The following SMIM14 variants were observed in gnomAD, a reference collection of about 807,000 sequenced individuals.
The protein encoded by SMIM14 is chromosome 4 open reading frame 34.
A neutral mutation model predicts 12.6 loss-of-function variants in SMIM14; 5 were observed. The ratio of observed to expected loss-of-function variants is 0.40; its 90% CI spans 0.21 to 0.83. The LOEUF (loss-of-function observed/expected upper bound fraction) is 0.83. Among genes scored for constraint, SMIM14 ranks in the 40% least tolerant of loss-of-function variants. SMIM14 has a pLI of 0.37. For missense variants in SMIM14, 86 were observed against 119.1 expected, an observed-to-expected ratio of 0.72 and a Z score of 1.29; for synonymous variants, 30 against 40.1, an observed-to-expected ratio of 0.75 and a Z score of 0.95.
Position 39,547,740 on chromosome 4 carries a change from C to A in SMIM14, c.*4386G>T, listed in dbSNP as rs1365480261. The A allele has an allele frequency of 6.6e-6, 1 of 152,002 alleles. No individual in the cohort carries two copies. The highest frequency in any genetic ancestry group is 1.5e-5 in the Non-Finnish European group (1 of 68,010). 9.4% of individuals were successfully genotyped at this position (152,002 alleles called of 1,614,324 possible). ...AAGGTTCCTTTGAAAATTTAAGATA[C>A]TGGTAATTCCATAAACACTCCCACA... On this transcript the variant is annotated 3_prime_UTR_variant, in exon 5 of 5. Coordinates refer to ENST00000295958, the MANE Select transcript of SMIM14 (RefSeq NM_174921.3).
At chr4:39,615,906 A>G (rs1357722235) in intron 1 of SMIM14, among the ~76,000 whole-genome samples, 3 of 152,326 alleles carry the variant, frequency 2.0e-5, no homozygotes, top group Middle Eastern at 3.4e-3. Flanking sequence ...GACTGTCTGA[A>G]TTGTGGATTA....
At chr4:39,560,779 T>C (rs367688192) in intron 3 of SMIM14, among the ~76,000 whole-genome samples, 4 of 152,222 alleles carry the variant, frequency 2.6e-5, no homozygotes, top group African/African-American at 9.6e-5. Context: ...GGATCTCTGT[T>C]CATCCAGTTG....
Position 39,551,990 on chromosome 4 carries a change from G to A in SMIM14, c.*136C>T, listed in dbSNP as rs1262331212. On this transcript the variant is annotated 3_prime_UTR_variant, in exon 5 of 5. Transcript: ENST00000295958. Reference sequence around the variant, plus strand: ...AAACTTGCAAGTGAAATTTCTAGAAGCTCATGAAAACAATACCATCCCATA... The same window carrying A: ...AAACTTGCAAGTGAAATTTCTAGAAACTCATGAAAACAATACCATCCCATA... The A allele has an allele frequency of 1.1e-5, 6 of 568,196 alleles. No individual in the cohort carries two copies. Among genetic ancestry groups the A allele is most frequent in the Non-Finnish European group, 1.8e-5 (6 of 340,876 alleles). The allele number at this position is 568,196 out of a possible 1,614,324, so 35.2% of individuals were successfully genotyped here. A position where few individuals can be genotyped will look rare whatever the true frequency, so the allele number is the denominator to read the frequency against.
At chr4:39,613,878 CATAA>C (rs1195849291) in intron 1 of SMIM14, among the ~76,000 whole-genome samples, 2 of 152,076 alleles carry the variant, frequency 1.3e-5, no homozygotes, top group Admixed American at 6.6e-5. Context: ...GTCATGAAAA[CATAA>C]ATAGTTTACT....
chr4:39,607,151 A>G (rs1409951717), intron 1 of SMIM14, among the ~76,000 whole-genome samples: 1 of 152,160 alleles, frequency 6.6e-6, no homozygotes, highest in East Asian at 1.9e-4. Flanking sequence ...AAAATAAACA[A>G]AAACATACAT....
At position 39,550,329 on chromosome 4, in the gene SMIM14, T is replaced by C. The variant is rs554503508; in HGVS notation, c.*1797A>G. The C allele has an allele frequency of 9.8e-5, 15 of 152,294 alleles. 1 individual carries two copies. Among genetic ancestry groups the C allele is most frequent in the African/African-American group, 3.4e-4 (14 of 41,560 alleles). The allele number at this position is 152,294 out of a possible 1,614,324, so 9.4% of individuals were successfully genotyped here. On this transcript the variant is annotated 3_prime_UTR_variant, in exon 5 of 5. Coordinates refer to ENST00000295958, the MANE Select transcript of SMIM14 (RefSeq NM_174921.3). The stretch of plus-strand genomic sequence containing the variant: ...ACAGAGTCTCGCTCTGTCGCCCTGA[T>C]TGGAGTGCAGTGGCACGATCTCAGC...
intron 3 of SMIM14, among the ~76,000 whole-genome samples, chr4:39,556,793 G>A (rs1332608884): frequency 1.3e-5 from 2 of 151,966 alleles, no homozygotes; most frequent in Non-Finnish European, 2.9e-5. Context: ...AGTTTTTGTT[G>A]TTTTTGTTTT....
intron 1 of SMIM14, 60 bp from the exon 2 acceptor site, chr4:39,605,240 C>A: frequency 1.0e-6 from 1 of 964,074 alleles, no homozygotes; most frequent in Admixed American, 2.6e-5. Flanking sequence ...TTCTCTTGAG[C>A]TATGAAAAAT....
In SMIM14 at chr4:39,606,823, G is replaced by C. The variant is rs190689740; in HGVS notation, c.-35-1643C>G. Among the ~76,000 whole-genome samples, 5 of 152,204 alleles carry C rather than the reference G, an allele frequency of 3.3e-5. No homozygotes were observed. In the East Asian group the frequency reaches 9.6e-4, roughly 29 times the overall value. ...CCCAGTGGTATCCCTAAGTTGGGGA[G>C]AAGAAACTAGAAGAATGACTATATT... On this transcript the variant is annotated intron_variant, in intron 1 of 4. Coordinates refer to ENST00000295958, the MANE Select transcript of SMIM14 (RefSeq NM_174921.3).
At chr4:39,583,647 C>G (rs1157221716) in intron 2 of SMIM14, among the ~76,000 whole-genome samples, 2 of 152,044 alleles carry the variant, frequency 1.3e-5, no homozygotes, top group Non-Finnish European at 2.9e-5. Flanking sequence ...GACAAAATCC[C>G]ACCATCCAAT....
At chr4:39,635,894 C>T (rs1350582175) in intron 1 of SMIM14, among the ~76,000 whole-genome samples, 1 of 151,952 alleles carries the variant, frequency 6.6e-6, no homozygotes, top group African/African-American at 2.4e-5. Context: ...TGATGTGGGC[C>T]AGGTGAAGTG....
intron 2 of SMIM14, among the ~76,000 whole-genome samples, chr4:39,597,438 ATTTTTT>A (rs869157163): frequency 1.0e-4 from 12 of 116,546 alleles, no homozygotes; most frequent in Admixed American, 5.7e-4. Flanking sequence ...CACTGGTGGT[ATTTTTT>A]TTTTTTTTTT....
intron 1 of SMIM14, chr4:39,638,502 G>GA: frequency 1.0e-6 from 1 of 985,442 alleles, no homozygotes; most frequent in Non-Finnish European, 1.2e-6. Flanking sequence ...CCCCGACTCT[G>GA]ACATCCTGCA....
In SMIM14 at chr4:39,556,418, C is replaced by A. The variant is rs780319680; in HGVS notation, c.267+10G>T. The A allele has an allele frequency of 3.5e-5, 56 of 1,605,380 alleles. No individual in the cohort carries two copies. Among genetic ancestry groups the A allele is most frequent in the Non-Finnish European group, 4.7e-5 (55 of 1,177,512 alleles). On this transcript the variant is annotated intron_variant, in intron 4 of 4. Coordinates refer to ENST00000295958, the MANE Select transcript of SMIM14 (RefSeq NM_174921.3). ...TTACCCAAAAAGCATTTAAAATCTG[C>A]AACACTTACATTATGAGGACTGGTT...
At chr4:39,555,557 C>T (rs1278779784) in intron 4 of SMIM14, among the ~76,000 whole-genome samples, 1 of 152,124 alleles carries the variant, frequency 6.6e-6, no homozygotes, top group Non-Finnish European at 1.5e-5. Context: ...TAAAGATAGT[C>T]CTGAAAACTC....
chr4:39,592,405 T>A (rs1396444322), intron 2 of SMIM14, among the ~76,000 whole-genome samples: 1 of 151,970 alleles, frequency 6.6e-6, no homozygotes, highest in Non-Finnish European at 1.5e-5. Flanking sequence ...AGATTTATAG[T>A]CTTTGTACTA....
chr4:39,613,757 C>T (rs770484873), intron 1 of SMIM14, among the ~76,000 whole-genome samples: 1 of 152,108 alleles, frequency 6.6e-6, no homozygotes, highest in Non-Finnish European at 1.5e-5. Flanking sequence ...ATATATATCG[C>T]TAATGTTAGA....
At chr4:39,600,975 G>A (rs969400533) in intron 2 of SMIM14, among the ~76,000 whole-genome samples, 1 of 151,726 alleles carries the variant, frequency 6.6e-6, no homozygotes, top group Non-Finnish European at 1.5e-5. Context: ...TATATTCAGG[G>A]CAACTTGAGT....
At chr4:39,555,637 G>A (rs945301721) in intron 4 of SMIM14, among the ~76,000 whole-genome samples, 1 of 152,186 alleles carries the variant, frequency 6.6e-6, no homozygotes, top group Non-Finnish European at 1.5e-5. Context: ...TGACTATCAA[G>A]ATTTATCAAC....
Sources: gnomAD v4.1 joint callset for allele counts (sites outside exome capture counted in the v4.1 genomes callset) on GRCh38, gnomAD v4.1.1 for gene constraint, MANE v1.5 for transcripts, NCBI Gene and HGNC (gene_info 2026-07-23, HGNC 2026-07-21) for gene names.